VEPH1: variants seen among roughly 807,000 people sequenced by gnomAD.
VEPH1 encodes the protein ventricular zone expressed PH domain containing 1, also known as ventricular zone-expressed PH domain-containing protein homolog 1.
In VEPH1, 80 loss-of-function variants were observed where a neutral mutation model predicts 85.2. The observed-to-expected ratio is 0.94, with a 90% CI of 0.78 to 1.13. VEPH1 has a LOEUF of 1.13. Among genes scored for constraint, VEPH1 ranks in the 50% most tolerant of loss-of-function variants. VEPH1 has a pLI of 0.00. For synonymous variants in VEPH1, 297 were observed against 348.0 expected (o/e 0.85, Z 1.63); for missense variants, 955 against 980.5 (o/e 0.97, Z 0.35).
intron 4 of VEPH1, chr3:157,442,962 G>A (rs1226453817): frequency 6.9e-6 from 11 of 1,603,846 alleles, no homozygotes; most frequent in South Asian, 1.1e-5. Flanking sequence ...ACATGGAGGA[G>A]CTCAGTATGT....
At chr3:157,287,518 TG>T (rs1197739176) in intron 11 of VEPH1, among the ~76,000 whole-genome samples, 1 of 152,182 alleles carries the variant, frequency 6.6e-6, no homozygotes, top group Non-Finnish European at 1.5e-5. Context: ...ATGCAAATTT[TG>T]CATTCTATTA....
intron 2 of VEPH1, chr3:157,489,137 A>T (rs757742669): frequency 2.2e-6 from 1 of 456,350 alleles, no homozygotes; most frequent in Admixed American, 2.4e-5. Context: ...GGCCTTTCTG[A>T]TTTCACTCTT....
At chr3:157,366,599 G>A (rs886309547) in intron 7 of VEPH1, among the ~76,000 whole-genome samples, 1 of 152,026 alleles carries the variant, frequency 6.6e-6, no homozygotes, top group African/African-American at 2.4e-5. Context: ...GCTGGGTGTG[G>A]TGTCAGGCAC....
chr3:157,287,443 G>A (rs1337140976), intron 11 of VEPH1, among the ~76,000 whole-genome samples: 3 of 151,766 alleles, frequency 2.0e-5, no homozygotes, highest in Admixed American at 2.0e-4. Context: ...ATATGGGGGT[G>A]GGGCTTAATC....
intron 4 of VEPH1, chr3:157,437,977 G>C: frequency 6.7e-7 from 1 of 1,498,898 alleles, no homozygotes; most frequent in Non-Finnish European, 8.8e-7. Flanking sequence ...GCGCGTAACG[G>C]CAAGCCAAGC....
intron 6 of VEPH1, among the ~76,000 whole-genome samples, chr3:157,400,735 A>T (rs1371563672): frequency 6.6e-6 from 1 of 152,028 alleles, no homozygotes; most frequent in Non-Finnish European, 1.5e-5. Context: ...TGTTGCACTG[A>T]CCCCAAATAA....
chr3:157,367,324 A>G (rs1726820315), intron 7 of VEPH1, among the ~76,000 whole-genome samples: 1 of 152,332 alleles, frequency 6.6e-6, no homozygotes, highest in African/African-American at 2.4e-5. Context: ...TATAGCCAGA[A>G]GATTCTAAAT....
chr3:157,273,597 G>A (rs1026993827), intron 12 of VEPH1, among the ~76,000 whole-genome samples: 1 of 152,164 alleles, frequency 6.6e-6, no homozygotes, highest in African/African-American at 2.4e-5. Flanking sequence ...GGCATAAAAT[G>A]CATTCTAGGA....
At chr3:157,338,489 T>C (rs908686941) in intron 9 of VEPH1, among the ~76,000 whole-genome samples, 2 of 152,226 alleles carry the variant, frequency 1.3e-5, no homozygotes, top group African/African-American at 4.8e-5. Flanking sequence ...TTCCCCATCA[T>C]GATTAAAAGG....
intron 11 of VEPH1, among the ~76,000 whole-genome samples, chr3:157,297,497 G>A (rs1395838676): frequency 6.6e-6 from 1 of 152,188 alleles, no homozygotes; most frequent in Non-Finnish European, 1.5e-5. Flanking sequence ...GGTGCAATGA[G>A]ATGCATAAAT....
rs755418442 is a variant in VEPH1, at chr3:157,381,153, C to A, written c.1127+3G>T. Reference sequence around the variant, plus strand: ...CCTGAGGTACACAGAAGCTCTTGCTCACCTGCCACTTCCAGCCTTGGTATT... The same window carrying A: ...CCTGAGGTACACAGAAGCTCTTGCTAACCTGCCACTTCCAGCCTTGGTATT... On this transcript the variant is annotated splice_donor_region_variant and intron_variant, in intron 7 of 13. Coordinates refer to ENST00000362010, the MANE Select transcript of VEPH1 (RefSeq NM_001167912.2). The A allele has an allele frequency of 9.3e-6, 15 of 1,612,948 alleles. No individual in the cohort carries two copies. Among genetic ancestry groups the A allele is most frequent in the Non-Finnish European group, 1.3e-5 (15 of 1,179,978 alleles).
intron 9 of VEPH1, among the ~76,000 whole-genome samples, chr3:157,361,119 C>T (rs1726006566): frequency 6.6e-6 from 1 of 152,100 alleles, no homozygotes; most frequent in Non-Finnish European, 1.5e-5. Context: ...AGATTATTAG[C>T]AAAGTAGGCA....
In VEPH1 at chr3:157,317,174, A is replaced by T; in HGVS notation, c.1763T>A (p.Leu588Ter). Residue 588 changes from leucine (L) to a stop codon, truncating the protein, a stop_gained, in exon 10 of 14, where the codon TTG (leucine) becomes TAG (stop). Coordinates refer to ENST00000362010, the MANE Select transcript of VEPH1 (RefSeq NM_001167912.2). LOFTEE classifies it high-confidence loss of function. ...EDTVRSCVAK[L>*]FFTCSLKGHY... Reference sequence around the variant, plus strand: ...ACCCTTCAGGGAGCAGGTGAAGAACAACTTTGCTACACAACTTCTCACAGT... The same window carrying T: ...ACCCTTCAGGGAGCAGGTGAAGAACTACTTTGCTACACAACTTCTCACAGT... 6.2e-7 allele frequency: 1 copy of T among 1,612,164 alleles called. No individual in the cohort carries two copies. Among genetic ancestry groups the T allele is most frequent in the Non-Finnish European group, 8.5e-7 (1 of 1,179,120 alleles).
chr3:157,471,035 C>T (rs1165471703), intron 2 of VEPH1, among the ~76,000 whole-genome samples: 2 of 152,164 alleles, frequency 1.3e-5, no homozygotes, highest in Admixed American at 1.3e-4. Context: ...AGGTTTTCCT[C>T]CATTCCCCTG....
At chr3:157,391,946 G>T (rs945474338) in intron 6 of VEPH1, among the ~76,000 whole-genome samples, 4 of 149,296 alleles carry the variant, frequency 2.7e-5, no homozygotes, top group Admixed American at 2.7e-4. Context: ...TTAAAGAAAA[G>T]AAATTTCAAC....
chr3:157,299,871 C>T (rs1251415330), intron 11 of VEPH1, among the ~76,000 whole-genome samples: 1 of 152,152 alleles, frequency 6.6e-6, no homozygotes, highest in Non-Finnish European at 1.5e-5. Context: ...TAAAATAGTA[C>T]CAGCTACTGT....
intron 9 of VEPH1, among the ~76,000 whole-genome samples, chr3:157,322,620 G>T (rs1048621850): frequency 1.3e-5 from 2 of 152,144 alleles, no homozygotes; most frequent in African/African-American, 4.8e-5. Flanking sequence ...GTCTGTGAGG[G>T]CTGTCCAGAG....
chr3:157,417,560 T>C (rs1049302849), intron 5 of VEPH1, among the ~76,000 whole-genome samples: 4 of 152,210 alleles, frequency 2.6e-5, no homozygotes, highest in Non-Finnish European at 4.4e-5. Context: ...AAAATTCCAA[T>C]GCTGTGGTAT....
chr3:157,472,551 T>C (rs1737063918), intron 2 of VEPH1, among the ~76,000 whole-genome samples: 2 of 152,174 alleles, frequency 1.3e-5, no homozygotes, highest in Non-Finnish European at 2.9e-5. Context: ...CAGGGGTACA[T>C]GTGCAAGTTT....
Sources: allele counts gnomAD v4.1 joint callset (sites outside exome capture counted in the v4.1 genomes callset), GRCh38; gene constraint gnomAD v4.1.1; transcripts MANE v1.5; gene names NCBI Gene and HGNC (gene_info 2026-07-23, HGNC 2026-07-21).